The following TAF4B variants were observed in gnomAD, a reference collection of about 807,000 sequenced individuals.
The protein encoded by TAF4B is transcription initiation factor TFIID subunit 4B.
TAF4B carries 38 observed loss-of-function variants against 86.4 expected under a neutral mutation model. The observed-to-expected ratio is 0.44, with a 90% CI of 0.34 to 0.58. The LOEUF (loss-of-function observed/expected upper bound fraction) is 0.58. TAF4B is among the 20% of genes least tolerant of loss of function. The pLI is 0.02. For missense variants in TAF4B, 988 were observed against 1,027.6 expected (o/e 0.96, Z 0.53); for synonymous variants, 388 against 391.2 (o/e 0.99, Z 0.10).
At chr18:26,384,179 C>CT (rs1429448231) in intron 14 of TAF4B, among the ~76,000 whole-genome samples, 1 of 152,128 alleles carries the variant, frequency 6.6e-6, no homozygotes, top group African/African-American at 2.4e-5. Flanking sequence ...GAGGTTGGGA[C>CT]TTAGTGTAAA....
chr18:26,306,056 T>C (rs1330422454), intron 9 of TAF4B, among the ~76,000 whole-genome samples: 1 of 152,266 alleles, frequency 6.6e-6, no homozygotes, highest in Non-Finnish European at 1.5e-5. Flanking sequence ...AAAACTGAAT[T>C]GCAAGGATCA....
At chr18:26,227,482 A>G (rs1177169627) in intron 1 of TAF4B, among the ~76,000 whole-genome samples, 2 of 152,238 alleles carry the variant, frequency 1.3e-5, no homozygotes, top group African/African-American at 4.8e-5. Context: ...TAAGTGATAC[A>G]GTAAAAAGCT....
At chr18:26,350,258 TA>T (rs200684534) in intron 13 of TAF4B, among the ~76,000 whole-genome samples, 5 of 151,024 alleles carry the variant, frequency 3.3e-5, no homozygotes, top group African/African-American at 1.2e-4. Context: ...ATCCACAGAG[TA>T]AAAAAAATAA....
At chr18:26,264,449 A>G (rs539229272) in intron 1 of TAF4B, among the ~76,000 whole-genome samples, 68 of 152,238 alleles carry the variant, frequency 4.5e-4, no homozygotes, top group African/African-American at 1.4e-3. Context: ...TAAAAGAGTT[A>G]TTTGTCAGGA....
At position 26,231,034 on chromosome 18, in the gene TAF4B, C is replaced by CTTTTTTTTTTTTTT. The variant is rs536863843; in HGVS notation, c.343+3770_343+3783dup. On this transcript the variant is annotated intron_variant, in intron 1 of 14. Transcript: ENST00000269142. ...GACAAACTTGTGGTGTGTTGTTTTG[C>CTTTTTTTTTTTTTT]TTTTTTTTTTTTTTTTTTTTTTTTT... Among the ~76,000 whole-genome samples the CTTTTTTTTTTTTTT allele has an allele frequency of 2.9e-4, 19 of 66,162 alleles. 2 individuals carry two copies. The highest frequency in any genetic ancestry group is 4.1e-4 in the Admixed American group (2 of 4,922). 43.4% of individuals were successfully genotyped at this position (66,162 alleles called of 152,430 possible).
At chr18:26,302,090 TGTCTGATTGTTTTGAGGTTACAATG>T (rs1431068344) in intron 9 of TAF4B, among the ~76,000 whole-genome samples, 1 of 152,194 alleles carries the variant, frequency 6.6e-6, no homozygotes, top group Non-Finnish European at 1.5e-5. Context: ...TCAAAACAAT[TGTCTGATTGTTTTGAGGTTACAATG>T]GTCTGTAACA....
chr18:26,382,774 T>C (rs996607005), intron 14 of TAF4B, among the ~76,000 whole-genome samples: 19 of 152,182 alleles, frequency 1.2e-4, no homozygotes, highest in African/African-American at 4.1e-4. Flanking sequence ...TGTAAAGTAT[T>C]CACAGGTACA....
In TAF4B at chr18:26,286,058, T is replaced by C; in HGVS notation, c.1149T>C (p.Ser383=). The change falls in exon 7 of 15, where the codon TCT becomes TCC. Residue 383 remains serine, a synonymous_variant. Coordinates refer to ENST00000269142, the MANE Select transcript of TAF4B (RefSeq NM_005640.3). ...AGTCTGAAAAGTCAATTATTGTTTCTGGAGCAACAGCACCCAGAACTGTGT... is the reference window on the plus strand; with the variant it reads ...AGTCTGAAAAGTCAATTATTGTTTCCGGAGCAACAGCACCCAGAACTGTGT... ...SSQSEKSIIV[S]GATAPRTVSV... 6.2e-7 allele frequency: 1 copy of C among 1,614,226 alleles called. No homozygotes were observed. Among genetic ancestry groups the C allele is most frequent in the East Asian group, 2.2e-5 (1 of 44,886 alleles).
At chr18:26,255,271 CT>C (rs953021370) in intron 1 of TAF4B, among the ~76,000 whole-genome samples, 1 of 151,916 alleles carries the variant, frequency 6.6e-6, no homozygotes, top group Admixed American at 6.6e-5. Flanking sequence ...ATGTACAACT[CT>C]TTTTTTAGTA....
chr18:26,354,139 G>A (rs957815760), intron 13 of TAF4B, among the ~76,000 whole-genome samples: 1 of 152,168 alleles, frequency 6.6e-6, no homozygotes, highest in African/African-American at 2.4e-5. Flanking sequence ...GCAGTGGCAT[G>A]ATCTCGGCTG....
Position 26,305,185 on chromosome 18 carries a change from T to TA in TAF4B, c.1833-10043dup, listed in dbSNP as rs538313702. Among the ~76,000 whole-genome samples, 171 of 152,220 alleles carry TA rather than the reference T, an allele frequency of 1.1e-3. 1 individual carries two copies. The highest frequency in any genetic ancestry group is 1.9e-3 in the Non-Finnish European group (131 of 68,030). On this transcript the variant is annotated intron_variant, in intron 9 of 14. Transcript: ENST00000269142. ...TTCTTCTAAGATACTTGTATGCACTTACCTCAAATACAGATATTTACCTTT... is the reference window on the plus strand; with the variant it reads ...TTCTTCTAAGATACTTGTATGCACTTAACCTCAAATACAGATATTTACCTTT...
intron 9 of TAF4B, among the ~76,000 whole-genome samples, chr18:26,310,935 A>T (rs1013645531): frequency 1.3e-5 from 2 of 152,036 alleles, no homozygotes; most frequent in African/African-American, 4.8e-5. Context: ...TATAATACAT[A>T]CATAATGTTT....
At chr18:26,347,915 T>G (rs1467114506) in intron 13 of TAF4B, among the ~76,000 whole-genome samples, 1 of 152,198 alleles carries the variant, frequency 6.6e-6, no homozygotes, top group African/African-American at 2.4e-5. Flanking sequence ...CTCAGATATA[T>G]AAAGTAAATA....
At chr18:26,258,430 T>C (rs1038652373) in intron 1 of TAF4B, among the ~76,000 whole-genome samples, 2 of 152,216 alleles carry the variant, frequency 1.3e-5, no homozygotes, top group Non-Finnish European at 2.9e-5. Context: ...GTGCTTCTAT[T>C]TGTAAAAATT....
At chr18:26,287,585 T>A (rs2056540758) in intron 7 of TAF4B, among the ~76,000 whole-genome samples, 1 of 152,254 alleles carries the variant, frequency 6.6e-6, no homozygotes, top group Non-Finnish European at 1.5e-5. Context: ...ATGCATTAAT[T>A]AAAAATCATA....
chr18:26,290,201 G>A (rs1003907849), intron 7 of TAF4B, among the ~76,000 whole-genome samples: 2 of 152,094 alleles, frequency 1.3e-5, no homozygotes, highest in Non-Finnish European at 2.9e-5. Flanking sequence ...GTGCAGTGGT[G>A]CCATCATGGT....
intron 14 of TAF4B, among the ~76,000 whole-genome samples, chr18:26,362,370 G>A (rs2057338726): frequency 6.6e-6 from 1 of 152,120 alleles, no homozygotes; most frequent in South Asian, 2.1e-4. Flanking sequence ...GCTTTTAATA[G>A]TATTTTATCA....
Position 26,321,222 on chromosome 18 carries a change from G to A in TAF4B, c.2133+22G>A, listed in dbSNP as rs202207576. 9.3e-6 allele frequency: 15 copies of A among 1,612,828 alleles called. No individual in the cohort carries two copies. The East Asian group carries it at 2.2e-4, about 24-fold the overall frequency. On this transcript the variant is annotated intron_variant, in intron 11 of 14. Transcript: ENST00000269142. ...CAAGGTAAAGGAAATCATTAAAGAA[G>A]TATAAACTCTCGAGTGTTATAGGTA...
At chr18:26,287,605 G>A (rs2056541072) in intron 7 of TAF4B, among the ~76,000 whole-genome samples, 1 of 152,198 alleles carries the variant, frequency 6.6e-6, no homozygotes, top group Non-Finnish European at 1.5e-5. Flanking sequence ...AACGTTTTTA[G>A]TAAAGTTCTT....
Sources: gnomAD v4.1 joint callset for allele counts (sites outside exome capture counted in the v4.1 genomes callset) on GRCh38, gnomAD v4.1.1 for gene constraint, MANE v1.5 for transcripts, NCBI Gene and HGNC (gene_info 2026-07-23, HGNC 2026-07-21) for gene names.